RBFOX1: variants seen among roughly 807,000 people sequenced by gnomAD.
RBFOX1 encodes RNA binding protein fox-1 homolog 1.
A neutral mutation model predicts 57.7 loss-of-function variants in RBFOX1; 8 were observed. The ratio of observed to expected loss-of-function variants is 0.14; its 90% confidence interval spans 0.08 to 0.25. The LOEUF is 0.25. Ranked by LOEUF, RBFOX1 falls within the 10% of genes least tolerant of loss-of-function variation. RBFOX1 has a pLI of 1.00. For missense variants in RBFOX1, 611 were observed against 548.5 expected (o/e 1.11, Z -1.14); for synonymous variants, 326 against 222.4 (o/e 1.47, Z -4.15).
intron 4 of RBFOX1, among the ~76,000 whole-genome samples, chr16:7,101,842 C>G (rs1409241788): frequency 6.6e-6 from 1 of 152,098 alleles, no homozygotes; most frequent in Non-Finnish European, 1.5e-5. Flanking sequence ...AGGCTCTTGT[C>G]TTTGTCTGCA....
At chr16:6,025,338 C>A (rs1260843416) in intron 1 of RBFOX1, among the ~76,000 whole-genome samples, 1 of 152,198 alleles carries the variant, frequency 6.6e-6, no homozygotes, top group African/African-American at 2.4e-5. Flanking sequence ...ACACTAAAAT[C>A]TTTCATTCAA....
At chr16:5,933,614 G>C (rs1470032333) in intron 4 of RBFOX1, among the ~76,000 whole-genome samples, 1 of 152,166 alleles carries the variant, frequency 6.6e-6, no homozygotes, top group East Asian at 1.9e-4. Context: ...GGGTCTAGCA[G>C]ACCTTATTAT....
intron 1 of RBFOX1, among the ~76,000 whole-genome samples, chr16:5,285,367 T>A (rs867538461): frequency 3.3e-5 from 5 of 152,098 alleles, no homozygotes; most frequent in Non-Finnish European, 7.4e-5. Context: ...TTTTCCTGAT[T>A]TTTTTGTATT....
At chr16:6,734,086 G>A (rs1405029101) in intron 3 of RBFOX1, among the ~76,000 whole-genome samples, 1 of 152,200 alleles carries the variant, frequency 6.6e-6, no homozygotes, top group Non-Finnish European at 1.5e-5. Context: ...GCCTGGGTAT[G>A]AAATTCCAGT....
intron 1 of RBFOX1, among the ~76,000 whole-genome samples, chr16:5,304,832 G>T (rs898176622): frequency 2.5e-4 from 22 of 88,638 alleles, no homozygotes; most frequent in Admixed American, 1.4e-4. Flanking sequence ...CATATAAAGT[G>T]ATTTTTTTCC....
At chr16:6,857,841 T>C (rs1312242869) in intron 3 of RBFOX1, among the ~76,000 whole-genome samples, 1 of 152,224 alleles carries the variant, frequency 6.6e-6, no homozygotes, top group African/African-American at 2.4e-5. Flanking sequence ...AGTGTGTTTG[T>C]AGCTCTTCAT....
At chr16:6,365,518 A>T (rs773768021) in intron 2 of RBFOX1, among the ~76,000 whole-genome samples, 2 of 152,200 alleles carry the variant, frequency 1.3e-5, no homozygotes, top group Non-Finnish European at 2.9e-5. Context: ...CATGTAATAC[A>T]TTTAAATTCT....
intron 4 of RBFOX1, among the ~76,000 whole-genome samples, chr16:7,415,338 G>A (rs1329269059): frequency 1.3e-5 from 2 of 152,186 alleles, no homozygotes; most frequent in African/African-American, 2.4e-5. Flanking sequence ...TGTGGAACCA[G>A]ATGGAGTTCT....
chr16:7,347,850 T>C (rs17562548), intron 4 of RBFOX1, among the ~76,000 whole-genome samples: 14,172 of 152,230 alleles, frequency 0.093, 756 homozygotes, highest in Middle Eastern at 0.1. Context: ...TAGCTGGTTG[T>C]GAGCTGTTAG....
At chr16:7,705,162 G>C (rs1037869474) in intron 14 of RBFOX1, among the ~76,000 whole-genome samples, 1 of 152,094 alleles carries the variant, frequency 6.6e-6, no homozygotes, top group Non-Finnish European at 1.5e-5. Flanking sequence ...GGGTGAGCAA[G>C]TGCCAAGACT....
chr16:5,588,397 A>G (rs1027448579), intron 2 of RBFOX1, among the ~76,000 whole-genome samples: 2 of 152,172 alleles, frequency 1.3e-5, no homozygotes, highest in African/African-American at 4.8e-5. Flanking sequence ...GAATTGTGGC[A>G]CAGAGGCCGA....
chr16:6,598,517 AGAT>A (rs778852933), intron 2 of RBFOX1, among the ~76,000 whole-genome samples: 74 of 152,360 alleles, frequency 4.9e-4, no homozygotes, highest in Non-Finnish European at 8.8e-4. Context: ...ATATATACAA[AGAT>A]GATTATTCCA....
intron 3 of RBFOX1, among the ~76,000 whole-genome samples, chr16:5,721,853 G>A (rs548394283): frequency 1.3e-5 from 2 of 152,122 alleles, no homozygotes; most frequent in Non-Finnish European, 2.9e-5. Context: ...GTGCTAAACC[G>A]GTCCCAGACA....
intron 3 of RBFOX1, among the ~76,000 whole-genome samples, chr16:6,936,437 T>C (rs2077372425): frequency 6.6e-6 from 1 of 152,186 alleles, no homozygotes; most frequent in African/African-American, 2.4e-5. Context: ...TGGATGCATT[T>C]TGTTAGTGCC....
intron 3 of RBFOX1, among the ~76,000 whole-genome samples, chr16:5,791,111 G>A (rs750470417): frequency 1.1e-4 from 16 of 151,980 alleles, no homozygotes; most frequent in Admixed American, 3.9e-4. Flanking sequence ...CAAGTGATCC[G>A]CCTGCGTTGG....
chr16:5,929,540 A>C lies in RBFOX1; in HGVS notation c.351+62205A>C, dbSNP rs567431477. Among the ~76,000 whole-genome samples the C allele has an allele frequency of 9.9e-5, 15 of 152,274 alleles. No homozygotes were observed. In the South Asian group the frequency reaches 2.9e-3, roughly 30 times the overall value. On this transcript the variant is annotated intron_variant, in intron 4 of 19. Coordinates refer to the RBFOX1 transcript ENST00000641259. ...ACATAATCTATTTAAATTACCTCTT[A>C]CTATACTGCAAGACAAAGGTTCCAT... is the stretch of plus-strand genomic sequence containing the variant.
intron 4 of RBFOX1, among the ~76,000 whole-genome samples, chr16:7,097,987 T>G (rs1292435824): frequency 6.6e-6 from 1 of 152,146 alleles, no homozygotes; most frequent in Admixed American, 6.6e-5. Context: ...GTGAGGAGTT[T>G]CAAGAATCTT....
At chr16:6,499,953 A>G (rs1476948040) in intron 2 of RBFOX1, among the ~76,000 whole-genome samples, 3 of 152,158 alleles carry the variant, frequency 2.0e-5, no homozygotes, top group African/African-American at 7.2e-5. Flanking sequence ...GCTTTCTCTG[A>G]TGTTTACCTG....
chr16:6,593,192 C>CATAAA (rs951674965), intron 2 of RBFOX1, among the ~76,000 whole-genome samples: 4 of 151,994 alleles, frequency 2.6e-5, no homozygotes, highest in African/African-American at 9.7e-5. Flanking sequence ...AACTCTGTCT[C>CATAAA]ATAAAATAAA....
Sources: gnomAD v4.1 joint callset for allele counts (sites outside exome capture counted in the v4.1 genomes callset) on GRCh38, gnomAD v4.1.1 for gene constraint, MANE v1.5 for transcripts, NCBI Gene and HGNC (gene_info 2026-07-23, HGNC 2026-07-21) for gene names.